The following CDKAL1 variants were observed in gnomAD, a reference collection of about 807,000 sequenced individuals.
CDKAL1 encodes the protein threonylcarbamoyladenosine tRNA methylthiotransferase.
A neutral mutation model predicts 68.2 loss-of-function variants in CDKAL1; 32 were observed. The observed-to-expected ratio is 0.47, with a 90% CI of 0.35 to 0.63. The LOEUF (loss-of-function observed/expected upper bound fraction) is 0.63, where lower values mean the gene tolerates loss of function less well. CDKAL1 is among the 30% of genes least tolerant of loss of function. CDKAL1 has a pLI of 0.00. For synonymous variants in CDKAL1, 234 were observed against 244.3 expected (o/e 0.96, Z 0.39); for missense variants, 606 against 696.7 (o/e 0.87, Z 1.47).
intron 15 of CDKAL1, among the ~76,000 whole-genome samples, chr6:21,207,630 C>A (rs75984469): frequency 6.6e-6 from 1 of 152,146 alleles, no homozygotes; most frequent in Non-Finnish European, 1.5e-5. Context: ...TCTACTATTA[C>A]AAAAAATATG....
chr6:21,017,147 A>C, intron 11 of CDKAL1, among the ~76,000 whole-genome samples: 1 of 152,252 alleles, frequency 6.6e-6, no homozygotes, highest in African/African-American at 2.4e-5. Flanking sequence ...CACATACCAC[A>C]TTGCTCTATT....
chr6:20,904,243 G>T (rs967394857), intron 9 of CDKAL1, among the ~76,000 whole-genome samples: 55 of 152,108 alleles, frequency 3.6e-4, no homozygotes, highest in African/African-American at 1.3e-3. Context: ...GAATTTAAAG[G>T]TCTAGTCCAG....
intron 12 of CDKAL1, 85 bp from the exon 13 acceptor site, chr6:21,108,316 T>C (rs1235903061): frequency 2.5e-6 from 2 of 792,822 alleles, no homozygotes; most frequent in African/African-American, 1.8e-5. Context: ...TATGTAGAGA[T>C]ATATACACAC....
intron 11 of CDKAL1, among the ~76,000 whole-genome samples, chr6:21,059,897 T>A (rs922694355): frequency 6.6e-6 from 1 of 152,184 alleles, no homozygotes; most frequent in Admixed American, 6.5e-5. Flanking sequence ...GTGGTTTTTT[T>A]ATCCCTCGCT....
chr6:20,979,937 A>G (rs935195955), intron 10 of CDKAL1, among the ~76,000 whole-genome samples: 2 of 151,456 alleles, frequency 1.3e-5, no homozygotes, highest in African/African-American at 4.9e-5. Flanking sequence ...ACACCTGGCT[A>G]ATTTTTGTAT....
intron 8 of CDKAL1, among the ~76,000 whole-genome samples, chr6:20,828,009 A>T (rs1452899034): frequency 6.6e-6 from 1 of 152,172 alleles, no homozygotes; most frequent in Non-Finnish European, 1.5e-5. Flanking sequence ...TAGGCAGCAG[A>T]TCTCTTGTTC....
At chr6:21,011,972 A>G (rs900160821) in intron 11 of CDKAL1, among the ~76,000 whole-genome samples, 2 of 152,330 alleles carry the variant, frequency 1.3e-5, no homozygotes, top group East Asian at 1.9e-4. Context: ...TCAGTCATGT[A>G]AATGAAGTCC....
chr6:20,626,119 C>T (rs917641237), intron 4 of CDKAL1, among the ~76,000 whole-genome samples: 3 of 152,024 alleles, frequency 2.0e-5, no homozygotes, highest in African/African-American at 7.2e-5. Context: ...ACATTTTTTT[C>T]TTCCTTGACT....
chr6:20,735,849 G>A (rs1301393018), intron 5 of CDKAL1, among the ~76,000 whole-genome samples: 1 of 152,042 alleles, frequency 6.6e-6, no homozygotes, highest in African/African-American at 2.4e-5. Flanking sequence ...TTGGTTCTTT[G>A]TTTTCACCTA....
At chr6:20,909,624 A>T (rs1169566030) in intron 9 of CDKAL1, among the ~76,000 whole-genome samples, 2 of 152,158 alleles carry the variant, frequency 1.3e-5, no homozygotes, top group African/African-American at 4.8e-5. Flanking sequence ...CAGCGTTGGA[A>T]ACATATTTCA....
At chr6:20,917,307 A>G (rs1174974252) in intron 9 of CDKAL1, among the ~76,000 whole-genome samples, 1 of 152,044 alleles carries the variant, frequency 6.6e-6, no homozygotes, top group African/African-American at 2.4e-5. Flanking sequence ...TTGTTTTGGT[A>G]TACTTTAGTC....
At chr6:20,580,105 A>T (rs1392174077) in intron 4 of CDKAL1, among the ~76,000 whole-genome samples, 1 of 152,154 alleles carries the variant, frequency 6.6e-6, no homozygotes, top group African/African-American at 2.4e-5. Flanking sequence ...CTGTGAATGT[A>T]CGTATGTTTG....
At chr6:20,875,228 A>G (rs1053638393) in intron 9 of CDKAL1, among the ~76,000 whole-genome samples, 1 of 144,878 alleles carries the variant, frequency 6.9e-6, no homozygotes, top group East Asian at 2.2e-4. Context: ...GAACCCGGGA[A>G]GCGGAGCTTG....
intron 8 of CDKAL1, among the ~76,000 whole-genome samples, chr6:20,784,949 C>A (rs1775606530): frequency 6.6e-6 from 1 of 151,732 alleles, no homozygotes. Flanking sequence ...TTTCAATAGC[C>A]TTTAGGTAAA....
intron 5 of CDKAL1, among the ~76,000 whole-genome samples, chr6:20,735,438 T>G (rs1773144871): frequency 6.6e-6 from 1 of 152,072 alleles, no homozygotes; most frequent in South Asian, 2.1e-4. Context: ...AAGCCCCTTA[T>G]AAACCATCAG....
intron 5 of CDKAL1, among the ~76,000 whole-genome samples, chr6:20,650,705 T>G (rs984573799): frequency 6.6e-6 from 1 of 152,238 alleles, no homozygotes; most frequent in African/African-American, 2.4e-5. Flanking sequence ...TTTAAGTCTT[T>G]AATCCATCTT....
chr6:20,604,979 A>G (rs1363936191), intron 4 of CDKAL1, among the ~76,000 whole-genome samples: 2 of 152,162 alleles, frequency 1.3e-5, no homozygotes, highest in African/African-American at 4.8e-5. Context: ...AGGATACAAC[A>G]GTGGTTCTAT....
chr6:20,711,519 CAG>C (rs1206794994), intron 5 of CDKAL1, among the ~76,000 whole-genome samples: 2 of 152,114 alleles, frequency 1.3e-5, no homozygotes, highest in Non-Finnish European at 2.9e-5. Context: ...TGGAGTCAAA[CAG>C]AGGCAGGAAT....
intron 5 of CDKAL1, among the ~76,000 whole-genome samples, chr6:20,661,038 T>C (rs945527653): frequency 6.6e-6 from 1 of 152,066 alleles, no homozygotes; most frequent in African/African-American, 2.4e-5. Flanking sequence ...GATAGAGGAT[T>C]TTGTAAGATG....
Sources: gnomAD v4.1 joint callset for allele counts (sites outside exome capture counted in the v4.1 genomes callset) on GRCh38, gnomAD v4.1.1 for gene constraint, MANE v1.5 for transcripts, NCBI Gene and HGNC (gene_info 2026-07-23, HGNC 2026-07-21) for gene names.